Variants in ZNF461 observed in about 807,000 individuals in gnomAD.
ZNF461 encodes gonadotropin-inducible ovarian transcription factor-1.
ZNF461 carries 16 observed loss-of-function variants against 18.3 expected under a neutral mutation model. That is an observed-to-expected ratio of 0.88 (90% CI 0.59 to 1.33). The LOEUF is 1.33. Ranked by LOEUF, ZNF461 falls within the 40% of genes most tolerant of loss-of-function variation. ZNF461 has a pLI of 0.00. For missense variants in ZNF461, 595 were observed against 669.9 expected, an observed-to-expected ratio of 0.89 and a Z score of 1.23; for synonymous variants, 179 against 216.9, an observed-to-expected ratio of 0.83 and a Z score of 1.54.
At position 36,637,939 on chromosome 19, in the gene ZNF461, C is replaced by A. The variant is rs1415539865; in HGVS notation, c.*714G>T. The A allele has an allele frequency of 9.3e-6, 3 of 322,002 alleles. No homozygotes were observed. Among genetic ancestry groups the A allele is most frequent in the East Asian group, 9.6e-5 (1 of 10,372 alleles). The allele number at this position is 322,002 out of a possible 1,614,324, so 19.9% of individuals were successfully genotyped here. On this transcript the variant is annotated 3_prime_UTR_variant, in exon 6 of 6. Transcript: ENST00000588268. Reference sequence around the variant, plus strand: ...TTTTATAATGTGTGCTTTTATTAAACAAAAAATTTAGAAGATTTTAAAAAA... The same window carrying A: ...TTTTATAATGTGTGCTTTTATTAAAAAAAAAATTTAGAAGATTTTAAAAAA...
intron 4 of ZNF461, among the ~76,000 whole-genome samples, chr19:36,652,771 C>T (rs990424200): frequency 9.2e-5 from 14 of 152,132 alleles, no homozygotes; most frequent in Non-Finnish European, 1.8e-4. Flanking sequence ...TTTGTTCTTT[C>T]GCTCTTCACG....
At position 36,656,468 on chromosome 19, in the gene ZNF461, T is replaced by C; in HGVS notation, c.212A>G (p.Glu71Gly). 1 of 1,614,184 alleles carries C rather than the reference T, an allele frequency of 6.2e-7. No individual in the cohort carries two copies. The highest frequency in any genetic ancestry group is 8.5e-7 in the Non-Finnish European group (1 of 1,180,024). ...GKEPWMVVRE[E>G]TGRWCPGTWK... is the part of the protein sequence containing the mutation. The stretch of plus-strand genomic sequence containing the variant: ...CTCACCTGGGCACCATCTTCCTGTC[T>C]CTTCCCTCACAACCATCCAGGGCTC... The change falls in exon 4 of 6, where the codon GAG becomes GGG. Residue 71 changes from glutamate to glycine, a missense_variant. Physicochemically the swap from Glu to Gly is moderately conservative, Grantham distance 98. Transcript: ENST00000588268.
At chr19:36,660,149 T>TC (rs2037792837) in intron 2 of ZNF461, among the ~76,000 whole-genome samples, 1 of 114,624 alleles carries the variant, frequency 8.7e-6, no homozygotes, top group South Asian at 2.5e-4. Flanking sequence ...CTCTAAAATC[T>TC]TTTTTTTTTT....
chr19:36,651,606 C>T (rs2037628692), intron 4 of ZNF461, among the ~76,000 whole-genome samples: 1 of 152,044 alleles, frequency 6.6e-6, no homozygotes, highest in Non-Finnish European at 1.5e-5. Flanking sequence ...AAATGAAATA[C>T]TTAGGTATAA....
intron 3 of ZNF461, chr19:36,658,038 C>A (rs2037753875): frequency 2.4e-6 from 1 of 424,990 alleles, no homozygotes; most frequent in Admixed American, 3.9e-5. Flanking sequence ...TTTAACATTG[C>A]AGATTTCCAA....
chr19:36,664,689 C>G lies in ZNF461; in HGVS notation c.9+9G>C, dbSNP rs766037982. On this transcript the variant is annotated intron_variant, in intron 2 of 5. Coordinates refer to ENST00000588268, the MANE Select transcript of ZNF461 (RefSeq NM_153257.5). ...TATTGTAATTAGGAGCAAGAAAAAA[C>G]CAACTTACATGGGCCATGTCTTATT... The G allele has an allele frequency of 6.6e-7, 1 of 1,509,216 alleles. No homozygotes were observed. The highest frequency in any genetic ancestry group is 8.8e-7 in the Non-Finnish European group (1 of 1,136,020). The allele number at this position is 1,509,216 out of a possible 1,614,324, so 93.5% of individuals were successfully genotyped here.
In ZNF461 at chr19:36,661,784, G is replaced by A. The variant is rs552581515; in HGVS notation, c.9+2914C>T. 3.3e-5 allele frequency among the ~76,000 whole-genome samples: 5 copies of A among 152,190 alleles called. No individual in the cohort carries two copies. In the East Asian group the frequency reaches 9.6e-4, roughly 29 times the overall value. On this transcript the variant is annotated intron_variant, in intron 2 of 5. Coordinates refer to ENST00000588268, the MANE Select transcript of ZNF461 (RefSeq NM_153257.5). ...GGAAACTCAGATCACAGGAAGGAAG[G>A]AAAAGCAACTAGACATTTTTTCCTG...
chr19:36,647,549 A>T lies in ZNF461; in HGVS notation c.233-3687T>A, dbSNP rs77714596. ...GCAAGACTCTGTCTCAAAAAAGCAA[A>T]AAATAAATAAATAAATAACATTCTA... On this transcript the variant is annotated intron_variant, in intron 4 of 5. Transcript: ENST00000588268. Among the ~76,000 whole-genome samples the T allele has an allele frequency of 5.6e-3, 855 of 152,298 alleles. 24 individuals are homozygous for T. Among genetic ancestry groups the T allele is most frequent in the Admixed American group, 0.037 (573 of 15,292 alleles).
chr19:36,655,895 C>A (rs1211309153), intron 4 of ZNF461, among the ~76,000 whole-genome samples: 1 of 152,026 alleles, frequency 6.6e-6, no homozygotes, highest in Admixed American at 6.5e-5. Flanking sequence ...TGTGGATAAT[C>A]CAATTTTCTC....
At chr19:36,658,062 A>G in intron 3 of ZNF461, 1 of 478,442 alleles carries the variant, frequency 2.1e-6, no homozygotes, top group Admixed American at 3.7e-5. Context: ...TGCCCCTTAA[A>G]CATCAAGGAG....
At chr19:36,652,495 C>T (rs1210635086) in intron 4 of ZNF461, among the ~76,000 whole-genome samples, 16 of 126,758 alleles carry the variant, frequency 1.3e-4, no homozygotes, top group Middle Eastern at 3.9e-3. Flanking sequence ...AGCAAGACTC[C>T]GTCTCAAAAA....
Position 36,658,289 on chromosome 19 carries a change from ATAACT to A in ZNF461, c.136+5_136+9del, listed in dbSNP as rs1239754565. 6.3e-7 allele frequency: 1 copy of A among 1,598,990 alleles called. No homozygotes were observed. The highest frequency in any genetic ancestry group is 2.2e-5 in the East Asian group (1 of 44,676). ...GAATTGTCAGGTTCTTAATTTTTAG[ATAACT>A]TTACCAAGTGACACCAAGTTGCTAT... On this transcript the variant is annotated splice_donor_5th_base_variant and intron_variant, in intron 3 of 5. Transcript: ENST00000588268.
chr19:36,644,322 G>A (rs952036106), intron 4 of ZNF461, among the ~76,000 whole-genome samples: 11 of 151,916 alleles, frequency 7.2e-5, no homozygotes, highest in Admixed American at 6.6e-5. Flanking sequence ...GGGCTGGAGT[G>A]CAATGGTGCG....
intron 5 of ZNF461, among the ~76,000 whole-genome samples, chr19:36,642,902 T>C (rs3108172): frequency 0.67 from 100,766 of 151,480 alleles, 33,794 homozygotes; most frequent in East Asian, 0.82. Context: ...TTACAGGTGC[T>C]CACCACCTGT....
At chr19:36,664,360 G>C (rs1490698227) in intron 2 of ZNF461, among the ~76,000 whole-genome samples, 1 of 152,128 alleles carries the variant, frequency 6.6e-6, no homozygotes, top group Non-Finnish European at 1.5e-5. Context: ...AGCTCAGATG[G>C]GCAGATCACT....
chr19:36,652,519 A>C (rs1474151937), intron 4 of ZNF461, among the ~76,000 whole-genome samples: 1 of 151,568 alleles, frequency 6.6e-6, no homozygotes, highest in Non-Finnish European at 1.5e-5. Flanking sequence ...AAAAAACAAA[A>C]ACTATAAAAT....
chr19:36,638,779 C>A lies in ZNF461; in HGVS notation c.1566G>T (p.Lys522Asn), dbSNP rs1241085172. 6.2e-7 allele frequency: 1 copy of A among 1,614,158 alleles called. No individual in the cohort carries two copies. The highest frequency in any genetic ancestry group is 8.5e-7 in the Non-Finnish European group (1 of 1,180,024). ...FSHHQRIHSGKKPYQCGKAFN... is the reference protein window; with the variant it reads ...FSHHQRIHSGNKPYQCGKAFN... Reference sequence around the variant, plus strand: ...ACGCCTTCCCGCATTGATAAGGTTTCTTTCCAGAATGAATTCTCTGATGGT... The same window carrying A: ...ACGCCTTCCCGCATTGATAAGGTTTATTTCCAGAATGAATTCTCTGATGGT... Residue 522 changes from lysine to asparagine, a missense_variant, in exon 6 of 6, where the codon AAG (lysine) becomes AAT (asparagine). Transcript: ENST00000588268.
chr19:36,642,739 G>A (rs552550562), intron 5 of ZNF461, among the ~76,000 whole-genome samples: 89 of 144,726 alleles, frequency 6.1e-4, no homozygotes, highest in Middle Eastern at 3.5e-3. Flanking sequence ...TGGCAGACAT[G>A]GTGTGTGTGT....
rs369130997 is a variant in ZNF461, at chr19:36,654,546, CT to C, written c.232+1901del. Among the ~76,000 whole-genome samples, 1,419 of 150,264 alleles carry C rather than the reference CT, an allele frequency of 9.4e-3. 23 individuals are homozygous for C. Among genetic ancestry groups the C allele is most frequent in the African/African-American group, 0.033 (1,345 of 40,958 alleles). On this transcript the variant is annotated intron_variant, in intron 4 of 5. Transcript: ENST00000588268. ...CCATGCTAGGCTAATTTTTTTTTTT[CT>C]TTTTGGTACAGACAGGGTCTCACTA... is the stretch of plus-strand genomic sequence containing the variant.
Sources: allele counts gnomAD v4.1 joint callset (sites outside exome capture counted in the v4.1 genomes callset), GRCh38; gene constraint gnomAD v4.1.1; transcripts MANE v1.5; gene names NCBI Gene and HGNC (gene_info 2026-07-23, HGNC 2026-07-21).